TTC39B: variants seen among roughly 807,000 people sequenced by gnomAD.
TTC39B encodes tetratricopeptide repeat protein 39B.
Under a neutral mutation model 96.6 loss-of-function variants are expected in TTC39B, and 92 were observed. That is an observed-to-expected ratio of 0.95 (90% CI 0.80 to 1.13). TTC39B has a LOEUF of 1.13. Among genes scored for constraint, TTC39B ranks in the 50% most tolerant of loss-of-function variants. The probability of loss-of-function intolerance (pLI) is 0.00; values close to 1 mark genes in which losing one functional copy is unlikely to be tolerated. For missense variants in TTC39B, 955 were observed against 809.3 expected (o/e 1.18, Z -2.18); for synonymous variants, 367 against 299.4 (o/e 1.23, Z -2.33).
chr9:15,219,073 T>G (rs1820693775), intron 3 of TTC39B, among the ~76,000 whole-genome samples: 1 of 152,216 alleles, frequency 6.6e-6, no homozygotes. Context: ...TATAAAAATT[T>G]TGAAACATAA....
rs182510299 is a variant in TTC39B, at chr9:15,204,428, C to G, written c.692-538G>C. Among the ~76,000 whole-genome samples, 536 of 151,852 alleles carry G rather than the reference C, an allele frequency of 3.5e-3. 5 individuals are homozygous for G. Among genetic ancestry groups the G allele is most frequent in the African/African-American group, 0.012 (515 of 41,402 alleles). The stretch of plus-strand genomic sequence containing the variant: ...CCTGTAATCCCAGCTATTCGGGAGG[C>G]TGAGGTAGGAGAATCACTTGAACCC... On this transcript the variant is annotated intron_variant, in intron 6 of 19. Transcript: ENST00000512701.
rs756598534 is a variant in TTC39B, at chr9:15,173,317, A to C, written c.1959-1208T>G. Among the ~76,000 whole-genome samples, 6 of 152,304 alleles carry C rather than the reference A, an allele frequency of 3.9e-5. No homozygotes were observed. In the South Asian group the frequency reaches 1.0e-3, roughly 26 times the overall value. On this transcript the variant is annotated intron_variant, in intron 19 of 19. Transcript: ENST00000512701. ...ATATCACCTATATATAAATATTTTA[A>C]GGAAGCCCTTCTTGGCTCTACCATG...
At chr9:15,229,690 T>C (rs1490128523) in intron 2 of TTC39B, among the ~76,000 whole-genome samples, 1 of 152,226 alleles carries the variant, frequency 6.6e-6, no homozygotes, top group Non-Finnish European at 1.5e-5. Flanking sequence ...ACACAGCAAT[T>C]TTCCATACGT....
chr9:15,218,887 G>T (rs1211291345), intron 3 of TTC39B, among the ~76,000 whole-genome samples: 1 of 152,082 alleles, frequency 6.6e-6, no homozygotes, highest in African/African-American at 2.4e-5. Context: ...TAGAGAACTA[G>T]GCTGCAGCCT....
intron 2 of TTC39B, among the ~76,000 whole-genome samples, chr9:15,260,558 G>A (rs542344871): frequency 2.6e-5 from 4 of 151,708 alleles, no homozygotes; most frequent in Non-Finnish European, 4.4e-5. Context: ...ATCATTCACC[G>A]ATATTCACCC....
chr9:15,293,932 C>G, intron 1 of TTC39B, among the ~76,000 whole-genome samples: 1 of 152,172 alleles, frequency 6.6e-6, no homozygotes, highest in East Asian at 1.9e-4. Context: ...GTTTTCTGCA[C>G]GTCACTTTCC....
intron 6 of TTC39B, among the ~76,000 whole-genome samples, chr9:15,206,672 G>A (rs943058292): frequency 6.6e-6 from 1 of 151,990 alleles, no homozygotes; most frequent in Non-Finnish European, 1.5e-5. Flanking sequence ...AGCTAAATAA[G>A]CTAAGTTTAT....
At chr9:15,288,778 C>A (rs1824072460) in intron 1 of TTC39B, among the ~76,000 whole-genome samples, 1 of 152,252 alleles carries the variant, frequency 6.6e-6, no homozygotes, top group African/African-American at 2.4e-5. Context: ...ACACCCACCC[C>A]TGGATGCTGC....
intron 1 of TTC39B, among the ~76,000 whole-genome samples, chr9:15,294,881 C>T (rs1208298865): frequency 6.6e-6 from 1 of 152,164 alleles, no homozygotes; most frequent in Non-Finnish European, 1.5e-5. Context: ...CTCCCTGAAC[C>T]CTCACAACAG....
chr9:15,293,452 G>T (rs1044146893), intron 1 of TTC39B, among the ~76,000 whole-genome samples: 1 of 152,134 alleles, frequency 6.6e-6, no homozygotes, highest in Non-Finnish European at 1.5e-5. Flanking sequence ...TGAAAAAGTT[G>T]GGAAGAAATG....
At chr9:15,225,977 T>G (rs770155324) in exon 3 of TTC39B, 2 of 1,613,920 alleles carry the variant, frequency 1.2e-6, no homozygotes. Flanking sequence ...TGATGCAAAG[T>G]GAAGGCTGCT....
chr9:15,211,294 T>G, exon 5 of TTC39B: 1 of 1,580,276 alleles, frequency 6.3e-7, no homozygotes, highest in Non-Finnish European at 8.6e-7. Context: ...GCGTCCTTCA[T>G]GGCAGAAATG....
At chr9:15,235,408 G>C (rs997693521) in intron 2 of TTC39B, among the ~76,000 whole-genome samples, 3 of 152,146 alleles carry the variant, frequency 2.0e-5, no homozygotes, top group Non-Finnish European at 4.4e-5. Flanking sequence ...AATAATTCAG[G>C]AAACTCCCTA....
intron 18 of TTC39B, 106 bp downstream of exon 18, chr9:15,177,591 G>A: frequency 1.4e-6 from 1 of 721,372 alleles, no homozygotes; most frequent in Non-Finnish European, 2.3e-6. Context: ...GTAACACCAA[G>A]TAAGAGTTTA....
intron 1 of TTC39B, among the ~76,000 whole-genome samples, chr9:15,282,241 C>G (rs1823794941): frequency 6.6e-6 from 1 of 152,068 alleles, no homozygotes; most frequent in Non-Finnish European, 1.5e-5. Context: ...ACTAGTATCT[C>G]AAATTTCATA....
At chr9:15,190,745 A>G in intron 10 of TTC39B, 83 bp from the exon 11 acceptor site, 2 of 1,113,034 alleles carry the variant, frequency 1.8e-6, no homozygotes, top group South Asian at 2.7e-5. Flanking sequence ...TTTATATATT[A>G]GGGGGGTTAC....
At chr9:15,214,192 C>A (rs1358550755) in exon 4 of TTC39B, 4 of 1,613,936 alleles carry the variant, frequency 2.5e-6, no homozygotes, top group African/African-American at 1.3e-5. Context: ...GAAATAAGTT[C>A]AATGCCACAG....
Position 15,239,856 on chromosome 9 carries a change from T to C in TTC39B, c.276-13844A>G, listed in dbSNP as rs78718549. On this transcript the variant is annotated intron_variant, in intron 2 of 19. Transcript: ENST00000512701. ...TACACTAGAAGCTCAATCCCCACCA[T>C]TATGCAATATACCCATGTAACAGAC... 9.9e-3 allele frequency among the ~76,000 whole-genome samples: 1,502 copies of C among 152,286 alleles called. 26 individuals are homozygous for C. Among genetic ancestry groups the C allele is most frequent in the African/African-American group, 0.034 (1,425 of 41,552 alleles).
intron 7 of TTC39B, among the ~76,000 whole-genome samples, chr9:15,202,670 C>T (rs1323629210): frequency 6.6e-6 from 1 of 151,706 alleles, no homozygotes; most frequent in Non-Finnish European, 1.5e-5. Flanking sequence ...CGAGATCATG[C>T]CACTGTACTC....
Sources: gnomAD v4.1 joint callset for allele counts (sites outside exome capture counted in the v4.1 genomes callset) on GRCh38, gnomAD v4.1.1 for gene constraint, MANE v1.5 for transcripts, NCBI Gene and HGNC (gene_info 2026-07-23, HGNC 2026-07-21) for gene names.